Variants in SNX29 observed in about 807,000 individuals in gnomAD.
SNX29 encodes sorting nexin-29.
SNX29 carries 78 observed loss-of-function variants against 102.1 expected under a neutral mutation model. The observed-to-expected ratio is 0.76, with a 90% CI of 0.64 to 0.92. SNX29 has a LOEUF of 0.92. Among genes scored for constraint, SNX29 ranks in the 40% least tolerant of loss-of-function variants. SNX29 has a pLI of 0.00. For synonymous variants in SNX29, 580 were observed against 414.5 expected (o/e 1.40, Z -4.85); for missense variants, 1,280 against 1,061.7 (o/e 1.21, Z -2.86).
rs12599454 is a variant in SNX29 at position 12,005,922 on chromosome 16, A to G, written c.122+2879A>G. ...TTTGGATAAGGAATACTGAACCTAT[A>G]TAATAGAATTTACTACCATAACCTT... On this transcript the variant is annotated intron_variant, in intron 3 of 20. Coordinates refer to ENST00000566228, the MANE Select transcript of SNX29 (RefSeq NM_032167.5). Among the ~76,000 whole-genome samples, 3 of 152,334 alleles carry G rather than the reference A, an allele frequency of 2.0e-5. No individual in the cohort carries two copies. In the East Asian group the frequency reaches 5.8e-4, roughly 29 times the overall value.
intron 20 of SNX29, among the ~76,000 whole-genome samples, chr16:12,532,097 C>T (rs993994905): frequency 3.9e-5 from 6 of 152,168 alleles, no homozygotes; most frequent in South Asian, 2.1e-4. Flanking sequence ...GTGGGAGAGA[C>T]GTGGTCACGA....
chr16:12,551,278 A>C (rs1216406168), intron 20 of SNX29, among the ~76,000 whole-genome samples: 1 of 152,164 alleles, frequency 6.6e-6, no homozygotes, highest in African/African-American at 2.4e-5. Flanking sequence ...GACACCGTCA[A>C]ATGTTTAACC....
intron 16 of SNX29, among the ~76,000 whole-genome samples, chr16:12,377,719 G>A (rs117130697): frequency 9.2e-5 from 14 of 152,110 alleles, no homozygotes; most frequent in East Asian, 3.8e-4. Flanking sequence ...AGCTTATCTC[G>A]GGCCTGCAGT....
chr16:12,385,913 C>T lies in SNX29; in HGVS notation c.1900-12533C>T, dbSNP rs574832975. 5.9e-5 allele frequency among the ~76,000 whole-genome samples: 9 copies of T among 152,330 alleles called. No homozygotes were observed. The East Asian group carries it at 9.6e-4, about 16-fold the overall frequency. On this transcript the variant is annotated intron_variant, in intron 16 of 20. Transcript: ENST00000566228. The stretch of plus-strand genomic sequence containing the variant: ...CTCCTGGGCTCAGGCCTCACCAGCT[C>T]CTGCACAGTGGTGGGGGTGAGGACT...
intron 13 of SNX29, among the ~76,000 whole-genome samples, chr16:12,154,359 G>A (rs1369018830): frequency 6.6e-6 from 1 of 152,168 alleles, no homozygotes; most frequent in Non-Finnish European, 1.5e-5. Flanking sequence ...CCCCACAGTG[G>A]GAGCTGGCTT....
rs1341465574 is a variant in SNX29, at chr16:11,992,799, C to T, written c.8-6498C>T. Among the ~76,000 whole-genome samples the T allele has an allele frequency of 3.3e-5, 5 of 152,272 alleles. No individual in the cohort carries two copies. In the East Asian group the frequency reaches 9.7e-4, roughly 29 times the overall value. On this transcript the variant is annotated intron_variant, in intron 1 of 20. Coordinates refer to ENST00000566228, the MANE Select transcript of SNX29 (RefSeq NM_032167.5). Reference sequence around the variant, plus strand: ...CCTGCTTAATGTGTTACAAGGATCTCACCAGGGAAATGTCTAGCATGACGT... The same window carrying T: ...CCTGCTTAATGTGTTACAAGGATCTTACCAGGGAAATGTCTAGCATGACGT...
intron 14 of SNX29, among the ~76,000 whole-genome samples, chr16:12,240,769 C>G (rs935375098): frequency 2.6e-5 from 4 of 151,438 alleles, no homozygotes; most frequent in African/African-American, 7.3e-5. Flanking sequence ...CCATACTGGA[C>G]TAATATTTGT....
chr16:12,275,147 G>T (rs1456862250), intron 14 of SNX29, among the ~76,000 whole-genome samples: 1 of 152,164 alleles, frequency 6.6e-6, no homozygotes. Flanking sequence ...CTTTGACTTT[G>T]GGCCTCTTGG....
intron 13 of SNX29, among the ~76,000 whole-genome samples, chr16:12,151,900 C>G (rs548559936): frequency 8.5e-5 from 13 of 152,178 alleles, no homozygotes; most frequent in African/African-American, 2.9e-4. Context: ...CATGCCTGGC[C>G]AATTTTTGTA....
intron 15 of SNX29, among the ~76,000 whole-genome samples, chr16:12,334,990 C>T (rs1340521127): frequency 2.1e-5 from 3 of 145,346 alleles, no homozygotes; most frequent in Admixed American, 7.3e-5. Context: ...CTGAGCATTC[C>T]GTCAGCGAAT....
intron 18 of SNX29, among the ~76,000 whole-genome samples, chr16:12,438,726 G>A (rs985540471): frequency 1.3e-5 from 2 of 152,216 alleles, no homozygotes; most frequent in African/African-American, 2.4e-5. Context: ...AAAGCCCAGG[G>A]ACTTTTGAGC....
chr16:12,538,718 G>C (rs1189813739), intron 20 of SNX29, among the ~76,000 whole-genome samples: 1 of 152,160 alleles, frequency 6.6e-6, no homozygotes, highest in Non-Finnish European at 1.5e-5. Flanking sequence ...ATGTACATCA[G>C]GGAGCACAGA....
chr16:12,035,771 C>G (rs530178522), intron 4 of SNX29, among the ~76,000 whole-genome samples: 1 of 152,054 alleles, frequency 6.6e-6, no homozygotes, highest in East Asian at 1.9e-4. Context: ...GGTATGTAGT[C>G]CTTTATCTCG....
intron 16 of SNX29, among the ~76,000 whole-genome samples, chr16:12,371,261 C>T (rs1390372582): frequency 1.3e-5 from 2 of 152,052 alleles, no homozygotes; most frequent in Non-Finnish European, 2.9e-5. Context: ...TTTCTCTCTT[C>T]CCTCCTCCCT....
At chr16:12,079,756 G>A (rs901947276) in intron 11 of SNX29, among the ~76,000 whole-genome samples, 3 of 152,150 alleles carry the variant, frequency 2.0e-5, no homozygotes, top group Non-Finnish European at 2.9e-5. Context: ...GTGGCTCCAC[G>A]GCCATCAGAG....
chr16:12,356,147 C>A lies in SNX29; in HGVS notation c.1783-16C>A. 1.2e-6 allele frequency: 2 copies of A among 1,607,266 alleles called. No homozygotes were observed. Among genetic ancestry groups the A allele is most frequent in the Non-Finnish European group, 1.7e-6 (2 of 1,177,224 alleles). ...TGTCTGCCTCTAAGCCTCACCTTTCCGTGCTTGTGTTCCAGGTGGCAGAGA... is the reference window on the plus strand; with the variant it reads ...TGTCTGCCTCTAAGCCTCACCTTTCAGTGCTTGTGTTCCAGGTGGCAGAGA... On this transcript the variant is annotated splice_polypyrimidine_tract_variant and intron_variant, in intron 15 of 20. Transcript: ENST00000566228.
At chr16:12,231,941 A>G (rs529068966) in intron 14 of SNX29, among the ~76,000 whole-genome samples, 13 of 152,270 alleles carry the variant, frequency 8.5e-5, no homozygotes, top group Admixed American at 2.6e-4. Context: ...TCCTTGGCCT[A>G]TGTGTTTCAG....
intron 15 of SNX29, among the ~76,000 whole-genome samples, chr16:12,295,858 GA>G (rs1352261326): frequency 6.6e-6 from 1 of 151,234 alleles, no homozygotes; most frequent in Non-Finnish European, 1.5e-5. Flanking sequence ...ATAAAAACTT[GA>G]AAACTGTCTT....
chr16:12,188,176 C>A (rs771250846), intron 13 of SNX29, among the ~76,000 whole-genome samples: 1 of 152,084 alleles, frequency 6.6e-6, no homozygotes, highest in Non-Finnish European at 1.5e-5. Context: ...AATTACTAAC[C>A]GCTAACATTT....
Sources: gnomAD v4.1 joint callset for allele counts (sites outside exome capture counted in the v4.1 genomes callset) on GRCh38, gnomAD v4.1.1 for gene constraint, MANE v1.5 for transcripts, NCBI Gene and HGNC (gene_info 2026-07-23, HGNC 2026-07-21) for gene names.